Variants in LUZP2 observed in about 807,000 individuals in gnomAD.
The protein encoded by LUZP2 is leucine zipper protein 2.
A neutral mutation model predicts 51.6 loss-of-function variants in LUZP2; 52 were observed. The observed-to-expected ratio is 1.01, with a 90% CI of 0.81 to 1.27. The LOEUF (loss-of-function observed/expected upper bound fraction) is 1.27, where lower values mean the gene tolerates loss of function less well. Among genes scored for constraint, LUZP2 ranks in the 50% most tolerant of loss-of-function variants. The probability of loss-of-function intolerance (pLI) is 0.00; values close to 1 mark genes in which losing one functional copy is unlikely to be tolerated. For synonymous variants in LUZP2, 154 were observed against 137.3 expected (o/e 1.12, Z -0.85); for missense variants, 436 against 395.4 (o/e 1.10, Z -0.87).
At chr11:24,851,050 A>C (rs543021463) in intron 5 of LUZP2, among the ~76,000 whole-genome samples, 2 of 152,318 alleles carry the variant, frequency 1.3e-5, no homozygotes, top group South Asian at 4.1e-4. Flanking sequence ...CAATCATGTC[A>C]TCTGTAAACA....
At chr11:24,698,899 A>C (rs1038926933) in intron 1 of LUZP2, among the ~76,000 whole-genome samples, 4 of 152,032 alleles carry the variant, frequency 2.6e-5, no homozygotes, top group Non-Finnish European at 5.9e-5. Flanking sequence ...CTACAAAAAA[A>C]ATATAAAAAT....
chr11:24,967,462 C>A (rs1855618768), intron 7 of LUZP2, among the ~76,000 whole-genome samples: 1 of 151,774 alleles, frequency 6.6e-6, no homozygotes, highest in African/African-American at 2.4e-5. Context: ...ATTCTGAATG[C>A]ATTTTTTCTC....
At chr11:24,912,949 G>A (rs1231036547) in intron 6 of LUZP2, among the ~76,000 whole-genome samples, 1 of 152,072 alleles carries the variant, frequency 6.6e-6, no homozygotes, top group Admixed American at 6.6e-5. Context: ...ATTAAAAAAG[G>A]GCTTGTATAT....
At chr11:24,626,001 AG>A (rs1854667239) in intron 1 of LUZP2, among the ~76,000 whole-genome samples, 1 of 152,140 alleles carries the variant, frequency 6.6e-6, no homozygotes. Flanking sequence ...TTGTAATATA[AG>A]GGCTGCCACT....
chr11:24,709,452 A>G (rs1330110593), intron 1 of LUZP2, among the ~76,000 whole-genome samples: 3 of 152,164 alleles, frequency 2.0e-5, no homozygotes, highest in Non-Finnish European at 2.9e-5. Flanking sequence ...TGATAGAACT[A>G]CAGAGTATAT....
intron 5 of LUZP2, among the ~76,000 whole-genome samples, chr11:24,895,168 G>T (rs1852998237): frequency 6.6e-6 from 1 of 152,122 alleles, no homozygotes; most frequent in African/African-American, 2.4e-5. Flanking sequence ...GGAAGTTTAG[G>T]AAGTTTACCC....
intron 1 of LUZP2, among the ~76,000 whole-genome samples, chr11:24,519,330 G>A (rs1253541460): frequency 1.3e-5 from 2 of 152,088 alleles, no homozygotes; most frequent in African/African-American, 4.8e-5. Context: ...TCCTGTACTT[G>A]AATGGAGAAT....
At chr11:24,631,357 T>C (rs1854882532) in intron 1 of LUZP2, among the ~76,000 whole-genome samples, 1 of 151,818 alleles carries the variant, frequency 6.6e-6, no homozygotes, top group Admixed American at 6.6e-5. Context: ...TGAGGTACTT[T>C]CCTTCAATGC....
At chr11:24,527,990 C>A (rs1172207003) in intron 1 of LUZP2, among the ~76,000 whole-genome samples, 1 of 151,226 alleles carries the variant, frequency 6.6e-6, no homozygotes, top group Non-Finnish European at 1.5e-5. Context: ...CAGGGCTGGA[C>A]ATCCATTCCT....
intron 9 of LUZP2, among the ~76,000 whole-genome samples, chr11:25,044,471 A>G (rs1448790438): frequency 1.3e-5 from 2 of 151,892 alleles, no homozygotes; most frequent in East Asian, 3.9e-4. Flanking sequence ...ATGAAGGATG[A>G]CATTTATTGT....
chr11:24,876,230 G>C, intron 5 of LUZP2, among the ~76,000 whole-genome samples: 1 of 146,956 alleles, frequency 6.8e-6, no homozygotes, highest in Non-Finnish European at 1.5e-5. Flanking sequence ...TATGGTTTTA[G>C]GTCTAACATT....
intron 1 of LUZP2, among the ~76,000 whole-genome samples, chr11:24,658,786 AAGAC>A (rs1855909372): frequency 6.6e-6 from 1 of 152,244 alleles, no homozygotes; most frequent in Non-Finnish European, 1.5e-5. Context: ...TTCTCAAAAA[AAGAC>A]ATTTATGCAG....
At chr11:24,524,198 T>C (rs1358196191) in intron 1 of LUZP2, among the ~76,000 whole-genome samples, 3 of 151,772 alleles carry the variant, frequency 2.0e-5, no homozygotes, top group African/African-American at 7.2e-5. Context: ...AAATAACGTA[T>C]TAAAATATTT....
chr11:24,768,073 A>G (rs1565126805), intron 5 of LUZP2, among the ~76,000 whole-genome samples: 1 of 152,170 alleles, frequency 6.6e-6, no homozygotes, highest in Non-Finnish European at 1.5e-5. Context: ...AGGATAATAT[A>G]TAAGTCTAGG....
intron 8 of LUZP2, among the ~76,000 whole-genome samples, chr11:24,981,335 G>A (rs1422674717): frequency 6.6e-6 from 1 of 151,768 alleles, no homozygotes; most frequent in African/African-American, 2.4e-5. Context: ...TTTGTAAAAT[G>A]TCATGGTACT....
At chr11:24,735,287 A>G (rs369952734) in intron 3 of LUZP2, among the ~76,000 whole-genome samples, 46 of 152,002 alleles carry the variant, frequency 3.0e-4, no homozygotes, top group African/African-American at 9.2e-4. Context: ...AGCCTTGATA[A>G]TATTCATAGG....
At chr11:24,616,845 G>A (rs1854305610) in intron 1 of LUZP2, among the ~76,000 whole-genome samples, 1 of 152,122 alleles carries the variant, frequency 6.6e-6, no homozygotes, top group African/African-American at 2.4e-5. Context: ...GATTTTGATA[G>A]GAATTTTGTT....
intron 9 of LUZP2, among the ~76,000 whole-genome samples, chr11:25,037,066 C>T (rs1565263515): frequency 2.6e-5 from 4 of 152,180 alleles, no homozygotes; most frequent in Middle Eastern, 3.4e-3. Context: ...TGAAGTCTCT[C>T]ATGATTGTTG....
chr11:24,505,833 A>G (rs139208634), intron 1 of LUZP2, among the ~76,000 whole-genome samples: 6 of 152,236 alleles, frequency 3.9e-5, no homozygotes, highest in African/African-American at 1.4e-4. Flanking sequence ...AAAAAAAATA[A>G]AGAAAGACAG....
Sources: gnomAD v4.1 joint callset for allele counts (sites outside exome capture counted in the v4.1 genomes callset) on GRCh38, gnomAD v4.1.1 for gene constraint, MANE v1.5 for transcripts, NCBI Gene and HGNC (gene_info 2026-07-23, HGNC 2026-07-21) for gene names.